LRRC7: variants seen among roughly 807,000 people sequenced by gnomAD.
The protein encoded by LRRC7 is leucine rich repeat containing 7.
A neutral mutation model predicts 175.7 loss-of-function variants in LRRC7; 23 were observed. The ratio of observed to expected loss-of-function variants is 0.13; its 90% CI spans 0.09 to 0.19. The LOEUF is 0.19. Among genes scored for constraint, LRRC7 ranks in the 10% least tolerant of loss-of-function variants. The probability of loss-of-function intolerance (pLI) is 1.00; values close to 1 mark genes in which losing one functional copy is unlikely to be tolerated. For missense variants in LRRC7, 1,354 were observed against 1,904.7 expected, an observed-to-expected ratio of 0.71 and a Z score of 5.38; for synonymous variants, 685 against 680.9, an observed-to-expected ratio of 1.01 and a Z score of -0.09.
At chr1:69,977,471 C>G (rs1652940360) in intron 8 of LRRC7, among the ~76,000 whole-genome samples, 1 of 152,178 alleles carries the variant, frequency 6.6e-6, no homozygotes, top group Non-Finnish European at 1.5e-5. Context: ...TTAGATCTTA[C>G]TTAATGAAGG....
chr1:70,112,899 A>G (rs750747742), intron 26 of LRRC7, among the ~76,000 whole-genome samples: 2 of 152,278 alleles, frequency 1.3e-5, no homozygotes, highest in African/African-American at 2.4e-5. Context: ...TATGGAGTAT[A>G]AAGGAGAGAA....
At chr1:70,056,438 C>G (rs949348084) in intron 23 of LRRC7, among the ~76,000 whole-genome samples, 1 of 152,156 alleles carries the variant, frequency 6.6e-6, no homozygotes, top group Non-Finnish European at 1.5e-5. Context: ...TACTATGCCT[C>G]AACTTTAGTA....
intron 8 of LRRC7, among the ~76,000 whole-genome samples, chr1:69,972,964 A>C (rs996648715): frequency 1.4e-5 from 2 of 145,560 alleles, no homozygotes; most frequent in African/African-American, 5.0e-5. Context: ...TATATATATA[A>C]TACTATATAT....
intron 7 of LRRC7, among the ~76,000 whole-genome samples, chr1:69,888,323 C>T (rs914986645): frequency 1.5e-4 from 23 of 152,116 alleles, no homozygotes; most frequent in African/African-American, 5.1e-4. Context: ...TCTCATGGTG[C>T]GCCGTTTTTT....
intron 8 of LRRC7, among the ~76,000 whole-genome samples, chr1:69,941,526 TAAA>T (rs1456779477): frequency 6.9e-4 from 105 of 152,110 alleles, no homozygotes; most frequent in African/African-American, 2.5e-3. Context: ...AATTTCTGGG[TAAA>T]TCTTTAAACT....
At chr1:69,926,791 C>A (rs530543919) in intron 7 of LRRC7, among the ~76,000 whole-genome samples, 58 of 152,222 alleles carry the variant, frequency 3.8e-4, no homozygotes, top group Non-Finnish European at 5.4e-4. Flanking sequence ...TTAATTGGAG[C>A]ATTTAGCCCA....
At chr1:69,986,936 C>A (rs1373891996) in intron 10 of LRRC7, among the ~76,000 whole-genome samples, 1 of 152,108 alleles carries the variant, frequency 6.6e-6, no homozygotes, top group Non-Finnish European at 1.5e-5. Flanking sequence ...AGCACTCATA[C>A]ATTTTTGTTT....
At chr1:69,708,869 T>C (rs1664389782) in intron 2 of LRRC7, among the ~76,000 whole-genome samples, 1 of 152,190 alleles carries the variant, frequency 6.6e-6, no homozygotes, top group Non-Finnish European at 1.5e-5. Context: ...TTTTAAGGGA[T>C]AAATTGAGAA....
chr1:69,732,237 TA>T (rs1289397574), intron 2 of LRRC7, among the ~76,000 whole-genome samples: 1 of 151,948 alleles, frequency 6.6e-6, no homozygotes, highest in Non-Finnish European at 1.5e-5. Context: ...TTTTTTTAAA[TA>T]AAGGAAATAC....
At chr1:70,071,133 G>A (rs1490218546) in intron 23 of LRRC7, among the ~76,000 whole-genome samples, 2 of 152,138 alleles carry the variant, frequency 1.3e-5, no homozygotes, top group Non-Finnish European at 2.9e-5. Flanking sequence ...AAAGCATTCT[G>A]TCTTGTTAGA....
intron 25 of LRRC7, among the ~76,000 whole-genome samples, chr1:70,103,314 G>A (rs1664927303): frequency 6.6e-6 from 1 of 152,088 alleles, no homozygotes; most frequent in African/African-American, 2.4e-5. Context: ...ATGTGGTGAA[G>A]TTAAGGACCT....
At position 70,082,790 on chromosome 1, in the gene LRRC7, T is replaced by C. The variant is rs1468355529; in HGVS notation, c.4452+6492T>C. On this transcript the variant is annotated intron_variant, in intron 24 of 26. Coordinates refer to ENST00000651989, the MANE Select transcript of LRRC7 (RefSeq NM_001370785.2). Reference sequence around the variant, plus strand: ...ATCTTGATACCAGTACATTTTTTTTTTTTTTTTTTTTTTTTTTTTTTTGAG... The same window carrying C: ...ATCTTGATACCAGTACATTTTTTTTCTTTTTTTTTTTTTTTTTTTTTTGAG... Among the ~76,000 whole-genome samples the C allele has an allele frequency of 2.4e-3, 241 of 101,152 alleles. 32 individuals are homozygous for C. Among genetic ancestry groups the C allele is most frequent in the African/African-American group, 6.4e-3 (167 of 25,996 alleles). The allele number at this position is 101,152 out of a possible 152,430, so 66.4% of individuals were successfully genotyped here. A position where few individuals can be genotyped will look rare whatever the true frequency, so the allele number is the denominator to read the frequency against.
chr1:69,578,005 C>T (rs564976193), intron 1 of LRRC7, among the ~76,000 whole-genome samples: 14 of 151,852 alleles, frequency 9.2e-5, no homozygotes, highest in Non-Finnish European at 1.8e-4. Flanking sequence ...ATTCTTCCTA[C>T]CCTACAAAAT....
intron 11 of LRRC7, among the ~76,000 whole-genome samples, chr1:70,004,517 G>A (rs1416533355): frequency 2.0e-5 from 3 of 152,084 alleles, no homozygotes; most frequent in Non-Finnish European, 2.9e-5. Context: ...CTTATGACAC[G>A]TGGTTAAGTA....
chr1:69,985,167 T>C (rs2101896183), intron 9 of LRRC7, among the ~76,000 whole-genome samples: 1 of 152,332 alleles, frequency 6.6e-6, no homozygotes, highest in African/African-American at 2.4e-5. Flanking sequence ...CCTTCATTAC[T>C]GAGAACTCCT....
chr1:69,629,889 T>G (rs1424224314), intron 1 of LRRC7, among the ~76,000 whole-genome samples: 1 of 152,172 alleles, frequency 6.6e-6, no homozygotes, highest in East Asian at 1.9e-4. Context: ...CTAACTTCAC[T>G]ATCACCCTTT....
chr1:70,108,674 T>C (rs1665308527), intron 26 of LRRC7, among the ~76,000 whole-genome samples: 2 of 152,218 alleles, frequency 1.3e-5, no homozygotes, highest in Non-Finnish European at 2.9e-5. Context: ...TATTTGACCA[T>C]CTGCAACAGT....
At chr1:69,838,199 A>G (rs1278612143) in intron 6 of LRRC7, 28 bp from the exon 7 acceptor site, 2 of 1,572,132 alleles carry the variant, frequency 1.3e-6, no homozygotes, top group East Asian at 4.5e-5. Context: ...ACATACTAAG[A>G]GGAAATTTTT....
At chr1:70,076,395 A>G (rs1027585633) in intron 24 of LRRC7, 97 bp downstream of exon 24, 54 of 1,046,912 alleles carry the variant, frequency 5.2e-5, no homozygotes, top group Non-Finnish European at 7.6e-5. Context: ...CCAGGACACA[A>G]TGCCATCACC....
Sources: allele counts gnomAD v4.1 joint callset (sites outside exome capture counted in the v4.1 genomes callset), GRCh38; gene constraint gnomAD v4.1.1; transcripts MANE v1.5; gene names NCBI Gene and HGNC (gene_info 2026-07-23, HGNC 2026-07-21).